Variants in ZNF846 observed in about 807,000 individuals in gnomAD.
ZNF846 encodes zinc finger protein 846.
Under a neutral mutation model 16.0 loss-of-function variants are expected in ZNF846, and 15 were observed. That is an observed-to-expected ratio of 0.94 (90% confidence interval 0.63 to 1.45). The LOEUF (loss-of-function observed/expected upper bound fraction) is 1.45. Ranked by LOEUF, ZNF846 falls within the 40% of genes most tolerant of loss-of-function variation. ZNF846 has a pLI of 0.00. For synonymous variants in ZNF846, 229 were observed against 212.0 expected (o/e 1.08, Z -0.70); for missense variants, 714 against 622.3 (o/e 1.15, Z -1.57).
At chr19:9,759,025 T>C (rs936988135) in intron 5 of ZNF846, among the ~76,000 whole-genome samples, 2 of 151,660 alleles carry the variant, frequency 1.3e-5, no homozygotes, top group Non-Finnish European at 1.5e-5. Flanking sequence ...TTAAGAAAGA[T>C]TCTCACTCTG....
rs189572782 is a variant in ZNF846, at chr19:9,784,466, G to A, written c.-86+1472C>T. Among the ~76,000 whole-genome samples, 1,065 of 152,332 alleles carry A rather than the reference G, an allele frequency of 7.0e-3. 9 individuals carry two copies. Among genetic ancestry groups the A allele is most frequent in the African/African-American group, 0.024 (996 of 41,572 alleles). ...ATGTCTCACCTCCAGCCATAAGGCG[G>A]TTTTCTCCTATCTCAGTAAATAGAA... On this transcript the variant is annotated intron_variant, in intron 1 of 4. Coordinates refer to the ZNF846 transcript ENST00000586814.
exon 5 of ZNF846, chr19:9,759,887 T>C (rs2045195358): frequency 1.2e-6 from 2 of 1,613,270 alleles, no homozygotes; most frequent in Admixed American, 1.7e-5. Flanking sequence ...GTGATCTTTC[T>C]GCAGAAATAT....
At chr19:9,765,321 G>A (rs1345746949) in intron 1 of ZNF846, among the ~76,000 whole-genome samples, 1 of 151,944 alleles carries the variant, frequency 6.6e-6, no homozygotes, top group East Asian at 1.9e-4. Flanking sequence ...ATTGCGGTGA[G>A]CCGACACCAT....
At chr19:9,757,975 A>G (rs774791441) in exon 6 of ZNF846, 6 of 1,613,714 alleles carry the variant, frequency 3.7e-6, no homozygotes, top group East Asian at 2.2e-5. Flanking sequence ...CATGCCTTAC[A>G]TAAATACAGC....
In ZNF846 at chr19:9,782,415, C is replaced by A. The variant is rs2045511111; in HGVS notation, c.-86+3523G>T. ...ACGTAGCTGGAACTTCAGGTGTGCA[C>A]CACCACACCTAATTTTTAATTTTTT... On this transcript the variant is annotated intron_variant, in intron 1 of 4. Transcript: ENST00000586814. Among the ~76,000 whole-genome samples the A allele has an allele frequency of 5.3e-5, 8 of 152,208 alleles. No individual in the cohort carries two copies. In the South Asian group the frequency reaches 1.7e-3, roughly 32 times the overall value.
downstream of ZNF846, chr19:9,755,625 C>G (rs1163854289): frequency 6.7e-6 from 1 of 148,516 alleles, no homozygotes; most frequent in African/African-American, 2.5e-5. Flanking sequence ...ACGGTGAAAC[C>G]CCGTCTCTAC....
upstream of ZNF846, among the ~76,000 whole-genome samples, chr19:9,772,802 G>A: frequency 6.6e-6 from 1 of 152,200 alleles, no homozygotes. Flanking sequence ...TCCAGGTGCA[G>A]TGCCTTATGC....
exon 6 of ZNF846, chr19:9,757,666 T>C (rs2045153841): frequency 6.2e-7 from 1 of 1,613,422 alleles, no homozygotes; most frequent in Non-Finnish European, 8.5e-7. Flanking sequence ...CCTGTGTGCG[T>C]TCGCATGTGC....
rs529353263 is a variant in ZNF846 at position 9,758,337 on chromosome 19, A to G, written c.740T>C (p.Ile247Thr). ...GACATAGGGCTTCTCTCCACTGTGA[A>G]TTCTTCCATGTCCTATAAGGTGTGA... The change falls in exon 6 of 6, where the codon ATT (isoleucine) becomes ACT (threonine). Residue 247 changes from isoleucine (I) to threonine (T), a missense_variant. Coordinates refer to ENST00000397902, the Ensembl canonical transcript of ZNF846. 3 of 1,613,328 alleles carry G rather than the reference A, an allele frequency of 1.9e-6. No homozygotes were observed. The East Asian group carries it at 6.7e-5, about 36-fold the overall frequency.
chr19:9,759,124 A>G (rs1000653670), intron 5 of ZNF846, among the ~76,000 whole-genome samples: 1 of 151,784 alleles, frequency 6.6e-6, no homozygotes, highest in African/African-American at 2.4e-5. Flanking sequence ...CAGCCTCCCA[A>G]GTAGCTAGGA....
chr19:9,775,209 G>A (rs1429475577), intron 1 of ZNF846, among the ~76,000 whole-genome samples: 1 of 151,728 alleles, frequency 6.6e-6, no homozygotes, highest in East Asian at 1.9e-4. Context: ...GTGTGTGTGT[G>A]TGTGTATATA....
chr19:9,773,048 C>T (rs945331254), upstream of ZNF846, among the ~76,000 whole-genome samples: 1 of 151,854 alleles, frequency 6.6e-6, no homozygotes, highest in African/African-American at 2.4e-5. Context: ...GTGATAGAGC[C>T]AGACCTTGTC....
downstream of ZNF846, among the ~76,000 whole-genome samples, chr19:9,755,799 CAAAAAAAAAAAAAAAAAAA>C (rs538572391): frequency 1.2e-4 from 3 of 24,696 alleles, no homozygotes; most frequent in Non-Finnish European, 2.5e-4. Flanking sequence ...GACTCCGTCT[CAAAAAAAAAAAAAAAAAAA>C]AAAAAAAAAA....
At chr19:9,763,240 G>T (rs780509619) in intron 3 of ZNF846, 42 bp downstream of exon 3, 6 of 1,495,858 alleles carry the variant, frequency 4.0e-6, no homozygotes, top group Non-Finnish European at 4.5e-6. Flanking sequence ...AAGAAACATT[G>T]ATTTCCTAAA....
At position 9,764,902 on chromosome 19, in the gene ZNF846, T is replaced by C. The variant is rs115413575; in HGVS notation, c.15+34A>G. On this transcript the variant is annotated intron_variant, in intron 2 of 5. Coordinates refer to ENST00000397902, the Ensembl canonical transcript of ZNF846. ...AGGCTACCGATGATGGCTACAAGCA[T>C]AACATTTTGAAGTTAGGTCTGCTTT... 2,062 of 1,613,396 alleles carry C rather than the reference T, an allele frequency of 1.3e-3. 22 individuals carry two copies. The African/African-American group carries it at 0.024, about 18-fold the overall frequency.
chr19:9,757,850 A>G (rs745690224), exon 6 of ZNF846: 2 of 1,613,266 alleles, frequency 1.2e-6, no homozygotes, highest in East Asian at 2.2e-5. Flanking sequence ...CATGTTGACT[A>G]AGCATTGAGG....
intron 1 of ZNF846, chr19:9,774,640 G>C: frequency 2.1e-6 from 3 of 1,446,350 alleles, no homozygotes; most frequent in Non-Finnish European, 2.9e-6. Flanking sequence ...CATATGATTA[G>C]GTGACCTTCA....
intron 1 of ZNF846, among the ~76,000 whole-genome samples, chr19:9,785,538 G>A (rs1259446473): frequency 4.7e-5 from 1 of 21,062 alleles, no homozygotes; most frequent in Admixed American, 6.3e-4. Flanking sequence ...CCCGTCTCTC[G>A]CTCACGGAGT....
chr19:9,767,953 G>A (rs1318942841), intron 1 of ZNF846, among the ~76,000 whole-genome samples: 1 of 152,062 alleles, frequency 6.6e-6, no homozygotes, highest in East Asian at 1.9e-4. Flanking sequence ...ATATATACGA[G>A]AGGAAAAACG....
Sources: allele counts gnomAD v4.1 joint callset (sites outside exome capture counted in the v4.1 genomes callset), GRCh38; gene constraint gnomAD v4.1.1; transcripts MANE v1.5; gene names NCBI Gene and HGNC (gene_info 2026-07-23, HGNC 2026-07-21).